The following NBEAL1 variants were observed in gnomAD, a reference collection of about 807,000 sequenced individuals.
NBEAL1 encodes neurobeachin like 1.
Under a neutral mutation model 351.3 loss-of-function variants are expected in NBEAL1, and 273 were observed. The ratio of observed to expected loss-of-function variants is 0.78; its 90% CI spans 0.70 to 0.86. The LOEUF (loss-of-function observed/expected upper bound fraction) is 0.86, where lower values mean the gene tolerates loss of function less well. Among genes scored for constraint, NBEAL1 ranks in the 40% least tolerant of loss-of-function variants. NBEAL1 has a pLI of 0.00. For synonymous variants in NBEAL1, 1,050 were observed against 1,086.4 expected, an observed-to-expected ratio of 0.97 and a Z score of 0.66; for missense variants, 2,961 against 3,201.3, an observed-to-expected ratio of 0.92 and a Z score of 1.81.
At chr2:203,137,447 G>A (rs1237940052) in intron 29 of NBEAL1, among the ~76,000 whole-genome samples, 5 of 152,092 alleles carry the variant, frequency 3.3e-5, no homozygotes, top group African/African-American at 1.2e-4. Context: ...AGTACACCGG[G>A]GAAGTATTAC....
intron 19 of NBEAL1, among the ~76,000 whole-genome samples, chr2:203,123,920 C>T (rs2062883079): frequency 6.6e-6 from 1 of 151,728 alleles, no homozygotes; most frequent in Non-Finnish European, 1.5e-5. Flanking sequence ...ATACTGTAGC[C>T]AAATCAAAGA....
At chr2:203,139,552 C>G (rs992378134) in intron 31 of NBEAL1, among the ~76,000 whole-genome samples, 1 of 139,688 alleles carries the variant, frequency 7.2e-6, no homozygotes, top group Non-Finnish European at 1.5e-5. Context: ...GTTGCCCACC[C>G]CCACCTTTTT....
rs57126638 is a variant in NBEAL1, at chr2:203,119,424, C to CT, written c.2593-2810dup. 3.3e-3 allele frequency among the ~76,000 whole-genome samples: 223 copies of CT among 66,646 alleles called. 32 individuals carry two copies. Among genetic ancestry groups the CT allele is most frequent in the Middle Eastern group, 0.032 (2 of 62 alleles). 43.7% of individuals were successfully genotyped at this position (66,646 alleles called of 152,430 possible). ...GTGAGCCACTGCATACGGCCTGTTG[C>CT]TTTTTTTTTTTTTTTTTTTTGAGAC... On this transcript the variant is annotated intron_variant, in intron 18 of 55. Transcript: ENST00000683969.
rs1223681875 is a variant in NBEAL1, at chr2:203,180,494, T to G, written c.6577T>G (p.Phe2193Val). Residue 2193 changes from phenylalanine (F) to valine (V), a missense_variant, in exon 43 of 56, where the codon TTT (phenylalanine) becomes GTT (valine). Phe to Val is a conservative substitution (Grantham distance 50). Coordinates refer to ENST00000683969, the MANE Select transcript of NBEAL1 (RefSeq NM_001378026.1). ...LIPEFFYFPE[F>V]LENQNQFNLG... The stretch of plus-strand genomic sequence containing the variant: ...TCCTGAATTCTTCTATTTCCCAGAG[T>G]TTTTGGAAAATCAAAATCGTAAGAA... The G allele has an allele frequency of 1.2e-6, 2 of 1,609,206 alleles. No individual in the cohort carries two copies.
chr2:203,023,414 C>G (rs538437837), intron 2 of NBEAL1, among the ~76,000 whole-genome samples: 2 of 152,244 alleles, frequency 1.3e-5, no homozygotes, highest in African/African-American at 4.8e-5. Flanking sequence ...GGTATGAAAG[C>G]AAGAAATGTA....
At chr2:203,204,346 G>T (rs1178560389) in intron 51 of NBEAL1, among the ~76,000 whole-genome samples, 6 of 142,644 alleles carry the variant, frequency 4.2e-5, no homozygotes. Flanking sequence ...TTTTTTTGAG[G>T]CAGGGTCTCA....
chr2:203,043,645 A>C (rs35953789), intron 3 of NBEAL1, among the ~76,000 whole-genome samples: 1 of 151,212 alleles, frequency 6.6e-6, no homozygotes, highest in Non-Finnish European at 1.5e-5. Context: ...GGGAGGATCA[A>C]TTTGGCCCAG....
In NBEAL1 at chr2:203,040,258, C is replaced by T. The variant is rs142397207; in HGVS notation, c.52-1507C>T. 2.5e-4 allele frequency: 211 copies of T among 859,776 alleles called. 1 individual carries two copies. The East Asian group carries it at 3.3e-3, about 13-fold the overall frequency. The allele number at this position is 859,776 out of a possible 1,614,324, so 53.3% of individuals were successfully genotyped here. On this transcript the variant is annotated intron_variant, in intron 2 of 55. Coordinates refer to ENST00000683969, the MANE Select transcript of NBEAL1 (RefSeq NM_001378026.1). ...GAAAGGAAAAAGGCTCAGGTTTAAG[C>T]GACTGGAATCATTCCTACATGATTC...
intron 20 of NBEAL1, 105 bp from the exon 21 acceptor site, chr2:203,125,855 G>A: frequency 6.2e-6 from 6 of 969,776 alleles, no homozygotes; most frequent in Non-Finnish European, 8.7e-6. Flanking sequence ...GCTGACTGCT[G>A]AACCAGATTT....
At chr2:203,103,568 G>C (rs565857386) in intron 12 of NBEAL1, among the ~76,000 whole-genome samples, 2 of 152,180 alleles carry the variant, frequency 1.3e-5, no homozygotes, top group Non-Finnish European at 1.5e-5. Context: ...CATTGTGCCC[G>C]GCCTATCTTT....
Position 203,132,055 on chromosome 2 carries a change from G to A in NBEAL1, c.3647G>A (p.Gly1216Glu). 6.4e-7 allele frequency: 1 copy of A among 1,554,120 alleles called. No homozygotes were observed. Among genetic ancestry groups the A allele is most frequent in the Non-Finnish European group, 8.7e-7 (1 of 1,147,302 alleles). ...HIRLREVGYS[G>E]LGLLLNEALV... ...CGACTCAGAGAAGTTGGCTACTCGGGACTGGGACTCCTTCTTAATGAAGCA... is the reference window on the plus strand; with the variant it reads ...CGACTCAGAGAAGTTGGCTACTCGGAACTGGGACTCCTTCTTAATGAAGCA... Residue 1216 changes from glycine (G) to glutamate (E), a missense_variant, in exon 26 of 56, where the codon GGA (glycine) becomes GAA (glutamate). Transcript: ENST00000683969.
At chr2:203,148,347 G>A (rs967564386) in intron 33 of NBEAL1, among the ~76,000 whole-genome samples, 3 of 151,958 alleles carry the variant, frequency 2.0e-5, no homozygotes, top group African/African-American at 7.2e-5. Context: ...TTGTATCCAG[G>A]TCTAACTCCA....
Position 203,145,064 on chromosome 2 carries a change from G to C in NBEAL1, c.5208G>C (p.Glu1736Asp). The C allele has an allele frequency of 6.2e-7, 1 of 1,612,856 alleles. No individual in the cohort carries two copies. The highest frequency in any genetic ancestry group is 8.5e-7 in the Non-Finnish European group (1 of 1,179,386). Residue 1736 changes from glutamate (E) to aspartate (D), a missense_variant, in exon 33 of 56, where the codon GAG (glutamate) becomes GAC (aspartate). Glu to Asp is a conservative substitution (Grantham distance 45). Transcript: ENST00000683969. The part of the protein sequence containing the change: ...YEAHTFYDGH[E>D]NMALYWKDCY... ...CTCATACATTTTACGATGGTCATGA[G>C]AACATGGCACTTTATTGGAAGGATT...
Position 203,107,511 on chromosome 2 carries a change from T to A in NBEAL1, c.1361T>A (p.Met454Lys), listed in dbSNP as rs1466215769. The A allele has an allele frequency of 6.5e-7, 1 of 1,548,932 alleles. No individual in the cohort carries two copies. Among genetic ancestry groups the A allele is most frequent in the Non-Finnish European group, 8.7e-7 (1 of 1,144,634 alleles). Reference protein sequence around the residue: ...QPPLELLKELMNMAVEGDHTS... With the variant: ...QPPLELLKELKNMAVEGDHTS... The stretch of plus-strand genomic sequence containing the variant: ...CCACTGGAATTACTTAAAGAACTTA[T>A]GAATATGGTGAGTTTATAACCTTTA... Residue 454 changes from methionine (M) to lysine (K), a missense_variant, in exon 13 of 56, where the codon ATG becomes AAG. Physicochemically the swap from Met to Lys is moderately conservative, Grantham distance 95. Transcript: ENST00000683969.
chr2:203,209,129 CT>C (rs756786245), intron 52 of NBEAL1, 31 bp from the exon 53 acceptor site: 185 of 1,555,130 alleles, frequency 1.2e-4, no homozygotes, highest in Non-Finnish European at 1.5e-4. Flanking sequence ...TTTCCTTTGT[CT>C]TTTTCATTTT....
intron 51 of NBEAL1, among the ~76,000 whole-genome samples, chr2:203,206,474 T>G (rs935240773): frequency 6.6e-6 from 1 of 152,114 alleles, no homozygotes; most frequent in African/African-American, 2.4e-5. Flanking sequence ...GAGCCAAAGC[T>G]GGACTGTACT....
intron 7 of NBEAL1, among the ~76,000 whole-genome samples, chr2:203,077,512 TATC>T (rs1360649176): frequency 6.6e-6 from 1 of 152,188 alleles, no homozygotes; most frequent in Non-Finnish European, 1.5e-5. Flanking sequence ...GGGGGCCAAA[TATC>T]ATCCTTATAT....
rs113697292 is a variant in NBEAL1 at position 203,124,282 on chromosome 2, G to A, written c.2683-1070G>A. ...TGGAAGGTCGAGACTGCAGTGAGCC[G>A]TGATCAGGCCAGTGCACTCCAGCTG... On this transcript the variant is annotated intron_variant, in intron 19 of 55. Transcript: ENST00000683969. Among the ~76,000 whole-genome samples the A allele has an allele frequency of 1.1e-4, 17 of 152,284 alleles. No individual in the cohort carries two copies. In the South Asian group the frequency reaches 1.5e-3, roughly 13 times the overall value.
chr2:203,071,354 T>C (rs149662281), intron 7 of NBEAL1, among the ~76,000 whole-genome samples: 120 of 152,340 alleles, frequency 7.9e-4, no homozygotes, highest in African/African-American at 2.7e-3. Flanking sequence ...GACTGTTGTC[T>C]CTTCCTCTTC....
Sources: allele counts gnomAD v4.1 joint callset (sites outside exome capture counted in the v4.1 genomes callset), GRCh38; gene constraint gnomAD v4.1.1; transcripts MANE v1.5; gene names NCBI Gene and HGNC (gene_info 2026-07-23, HGNC 2026-07-21).